GRB14: variants seen among roughly 807,000 people sequenced by gnomAD.
GRB14 encodes the protein growth factor receptor bound protein 14.
In GRB14, 38 loss-of-function variants were observed where a neutral mutation model predicts 69.1. The observed-to-expected ratio is 0.55, with a 90% CI of 0.42 to 0.72. The LOEUF is 0.72. Ranked by LOEUF, GRB14 falls within the 30% of genes least tolerant of loss-of-function variation. The probability of loss-of-function intolerance (pLI) is 0.00; values close to 1 mark genes in which losing one functional copy is unlikely to be tolerated. For missense variants in GRB14, 666 were observed against 666.1 expected (o/e 1.00, Z 0.00); for synonymous variants, 247 against 241.3 (o/e 1.02, Z -0.22).
chr2:164,547,701 T>A lies in GRB14; in HGVS notation c.440A>T (p.His147Leu). The A allele has an allele frequency of 6.2e-7, 1 of 1,613,864 alleles. No individual in the cohort carries two copies. Among genetic ancestry groups the A allele is most frequent in the Non-Finnish European group, 8.5e-7 (1 of 1,179,826 alleles). ...LILKNHYIDD[H>L]SWTLFEHLPH... Reference sequence around the variant, plus strand: ...CAGGTGCTCAAAAAGGGTCCAGCTGTGGTCATCAATGTAATGATTCTTCAG... The same window carrying A: ...CAGGTGCTCAAAAAGGGTCCAGCTGAGGTCATCAATGTAATGATTCTTCAG... Residue 147 changes from histidine to leucine, a missense_variant, in exon 3 of 14, where the codon CAC (histidine) becomes CTC (leucine). His to Leu is a moderately conservative substitution (Grantham distance 99). Transcript: ENST00000263915.
rs1051160 is a variant in GRB14 at position 164,492,949 on chromosome 2, G to C, written c.*87C>G. On this transcript the variant is annotated 3_prime_UTR_variant, in exon 14 of 14. Coordinates refer to ENST00000263915, the MANE Select transcript of GRB14 (RefSeq NM_004490.3). The stretch of plus-strand genomic sequence containing the variant: ...AGGTGAAATACATTCTTTTCACATG[G>C]TAATGTTTTCGCCCTTATTTATGGT... 8.3e-7 allele frequency: 1 copy of C among 1,199,354 alleles called. No individual in the cohort carries two copies. The highest frequency in any genetic ancestry group is 1.2e-6 in the Non-Finnish European group (1 of 869,140). The allele number at this position is 1,199,354 out of a possible 1,614,324, so 74.3% of individuals were successfully genotyped here.
At chr2:164,610,040 C>A (rs1413605903) in intron 2 of GRB14, among the ~76,000 whole-genome samples, 1 of 152,144 alleles carries the variant, frequency 6.6e-6, no homozygotes, top group Non-Finnish European at 1.5e-5. Context: ...CAGGGTAATG[C>A]ACCAAGAGGA....
chr2:164,553,885 C>T (rs1051671470), intron 2 of GRB14, among the ~76,000 whole-genome samples: 58 of 152,130 alleles, frequency 3.8e-4, no homozygotes, highest in African/African-American at 1.3e-3. Context: ...ACCCAGGAGG[C>T]GGAGGTTGCG....
chr2:164,578,801 T>A (rs779387696), intron 2 of GRB14, among the ~76,000 whole-genome samples: 1 of 152,194 alleles, frequency 6.6e-6, no homozygotes, highest in African/African-American at 2.4e-5. Flanking sequence ...GCCCTTGACA[T>A]AGGCACTCCT....
intron 5 of GRB14, among the ~76,000 whole-genome samples, chr2:164,523,950 T>C (rs1293267811): frequency 1.3e-5 from 2 of 152,030 alleles, no homozygotes; most frequent in Non-Finnish European, 2.9e-5. Context: ...GATCTGAAAG[T>C]CCTGGGGCAC....
chr2:164,525,337 C>G (rs1024902034), intron 4 of GRB14, among the ~76,000 whole-genome samples: 4 of 152,066 alleles, frequency 2.6e-5, no homozygotes, highest in African/African-American at 7.2e-5. Flanking sequence ...TTATAAAACA[C>G]TGCCCTGAAG....
At chr2:164,536,522 A>G (rs1265987073) in intron 3 of GRB14, among the ~76,000 whole-genome samples, 1 of 152,242 alleles carries the variant, frequency 6.6e-6, no homozygotes, top group Non-Finnish European at 1.5e-5. Flanking sequence ...TCAATCAGGA[A>G]TAAGCACCTA....
At chr2:164,512,653 T>C (rs1687370152) in intron 6 of GRB14, among the ~76,000 whole-genome samples, 1 of 152,008 alleles carries the variant, frequency 6.6e-6, no homozygotes, top group Non-Finnish European at 1.5e-5. Flanking sequence ...TCATGAAGCA[T>C]TATACCACAA....
At chr2:164,520,043 C>G (rs547275542) in intron 6 of GRB14, among the ~76,000 whole-genome samples, 3 of 151,978 alleles carry the variant, frequency 2.0e-5, no homozygotes, top group Non-Finnish European at 4.4e-5. Context: ...CAAAAAAGAG[C>G]CTGCATAACC....
intron 3 of GRB14, among the ~76,000 whole-genome samples, chr2:164,541,795 C>T (rs140502491): frequency 0.012 from 1,769 of 152,068 alleles, 30 homozygotes; most frequent in South Asian, 0.069. Flanking sequence ...TGGATACAAT[C>T]GCACCCGTCA....
At chr2:164,547,906 G>A (rs1247711090) in intron 2 of GRB14, 90 bp from the exon 3 acceptor site, 10 of 706,038 alleles carry the variant, frequency 1.4e-5, no homozygotes, top group South Asian at 1.4e-4. Context: ...TATACAACAC[G>A]ATATTATGAG....
At chr2:164,569,529 G>A (rs1420878496) in intron 2 of GRB14, among the ~76,000 whole-genome samples, 3 of 152,150 alleles carry the variant, frequency 2.0e-5, no homozygotes, top group African/African-American at 7.2e-5. Flanking sequence ...ATTACAATGT[G>A]GTTGTTGTAG....
chr2:164,584,575 C>T (rs1689490415), intron 2 of GRB14, among the ~76,000 whole-genome samples: 1 of 151,534 alleles, frequency 6.6e-6, no homozygotes, highest in African/African-American at 2.4e-5. Flanking sequence ...AAGAATAAGT[C>T]CCTACGATGT....
intron 9 of GRB14, among the ~76,000 whole-genome samples, chr2:164,498,553 A>T (rs1009872929): frequency 6.6e-6 from 1 of 152,198 alleles, no homozygotes; most frequent in Admixed American, 6.5e-5. Context: ...AAAAATTTTA[A>T]AACACCCATG....
At chr2:164,591,283 A>G (rs545334868) in intron 2 of GRB14, among the ~76,000 whole-genome samples, 1 of 152,324 alleles carries the variant, frequency 6.6e-6, no homozygotes, top group African/African-American at 2.4e-5. Flanking sequence ...ACTTCAGTCC[A>G]TTAAGTAAGG....
Position 164,621,082 on chromosome 2 carries a change from G to C in GRB14, c.191+37C>G. ...TCCTCACCCCCTCGCCGGCTGCCCA[G>C]CCAGGACACTCCCCCGCGCCCTCCA... On this transcript the variant is annotated intron_variant, in intron 1 of 13. Coordinates refer to ENST00000263915, the MANE Select transcript of GRB14 (RefSeq NM_004490.3). This position sits in a 1 kb window ranked among gnomAD's most constrained non-coding sequence, Gnocchi z 6.0. The C allele has an allele frequency of 8.0e-7, 1 of 1,244,652 alleles. No individual in the cohort carries two copies. The highest frequency in any genetic ancestry group is 1.0e-6 in the Non-Finnish European group (1 of 987,370). 77.1% of individuals were successfully genotyped at this position (1,244,652 alleles called of 1,614,324 possible). A position where few individuals can be genotyped will look rare whatever the true frequency, so the allele number is the denominator to read the frequency against.
Position 164,621,237 on chromosome 2 carries a change from G to A in GRB14, c.73C>T (p.Gln25Ter). The stretch of plus-strand genomic sequence containing the variant: ...CTCCCCTGGGCAGCGCCACACACCT[G>A]GGCGGCCAGCGGCGAATCCCGGGCA... The part of the protein sequence containing the change: ...AAARDSPLAA[Q>*]VCGAAQGRGD... The change falls in exon 1 of 14, where the codon CAG becomes TAG. Residue 25 changes from glutamine (Q) to a stop codon, truncating the protein, a stop_gained. Transcript: ENST00000263915. LOFTEE classifies it high-confidence loss of function. This position sits in a 1 kb window ranked among gnomAD's most constrained non-coding sequence, Gnocchi z 6.0. 1.6e-6 allele frequency: 2 copies of A among 1,265,642 alleles called. No individual in the cohort carries two copies. Among genetic ancestry groups the A allele is most frequent in the Non-Finnish European group, 2.0e-6 (2 of 1,004,028 alleles). 78.4% of individuals were successfully genotyped at this position (1,265,642 alleles called of 1,614,324 possible).
intron 3 of GRB14, among the ~76,000 whole-genome samples, chr2:164,533,684 A>C (rs1688010645): frequency 6.6e-6 from 1 of 152,244 alleles, no homozygotes. Flanking sequence ...AAAAGAAAAT[A>C]AAACAAAAAA....
intron 8 of GRB14, among the ~76,000 whole-genome samples, chr2:164,503,987 A>G (rs968191974): frequency 5.3e-5 from 8 of 152,098 alleles, no homozygotes; most frequent in African/African-American, 1.9e-4. Flanking sequence ...TAAGGGACCA[A>G]AATATGTTAG....
Sources: allele counts gnomAD v4.1 joint callset (sites outside exome capture counted in the v4.1 genomes callset), GRCh38; gene constraint gnomAD v4.1.1; non-coding constraint Gnocchi (gnomAD v3.1); transcripts MANE v1.5; gene names NCBI Gene and HGNC (gene_info 2026-07-23, HGNC 2026-07-21).